The following CSMD2 variants were observed in gnomAD, a reference collection of about 807,000 sequenced individuals.
CSMD2 encodes the protein CUB and Sushi multiple domains 2, also known as CUB and sushi domain-containing protein 2.
CSMD2 carries 130 observed loss-of-function variants against 398.5 expected under a neutral mutation model. That is an observed-to-expected ratio of 0.33 (90% CI 0.28 to 0.38). CSMD2 has a LOEUF of 0.38. Ranked by LOEUF, CSMD2 falls within the 10% of genes least tolerant of loss-of-function variation. The pLI, the probability that CSMD2 is intolerant of heterozygous loss-of-function variation, is 1.00. For missense variants in CSMD2, 3,829 were observed against 4,764.9 expected (o/e 0.80, Z 5.78); for synonymous variants, 1,828 against 1,908.5 (o/e 0.96, Z 1.10).
intron 24 of CSMD2, among the ~76,000 whole-genome samples, chr1:33,696,987 A>G (rs531702866): frequency 4.6e-5 from 7 of 152,282 alleles, no homozygotes; most frequent in South Asian, 2.1e-4. Flanking sequence ...CATAATCTCA[A>G]ATACACAGCC....
At chr1:34,049,729 C>T (rs899378) in intron 2 of CSMD2, among the ~76,000 whole-genome samples, 77,269 of 152,014 alleles carry the variant, frequency 0.51, 20,713 homozygotes, top group Non-Finnish European at 0.61. Context: ...CCATTGATTG[C>T]GCCTTGTCAT....
chr1:33,773,280 T>C (rs1651528239), intron 12 of CSMD2, among the ~76,000 whole-genome samples: 3 of 152,238 alleles, frequency 2.0e-5, no homozygotes, highest in Admixed American at 6.5e-5. Flanking sequence ...CCTGTCTTTT[T>C]CCCAAACCAG....
At chr1:33,663,935 C>T (rs756590871) in intron 25 of CSMD2, among the ~76,000 whole-genome samples, 8 of 152,168 alleles carry the variant, frequency 5.3e-5, no homozygotes, top group Non-Finnish European at 8.8e-5. Flanking sequence ...TCTTACATTT[C>T]CACGGTGCAT....
intron 22 of CSMD2, among the ~76,000 whole-genome samples, chr1:33,701,457 A>G (rs1240578809): frequency 6.6e-6 from 1 of 152,216 alleles, no homozygotes; most frequent in African/African-American, 2.4e-5. Context: ...TAACAACAGA[A>G]GTTGTGATTG....
At position 33,743,501 on chromosome 1, in the gene CSMD2, C is replaced by T. The variant is rs772087798; in HGVS notation, c.1952G>A (p.Arg651Lys). ...HLHCVWLILA[R>K]PESRIHLAFN... Reference sequence around the variant, plus strand: ...GGCCAGGTGGATGCGGCTCTCAGGCCTGGCCAGGATGAGCCAGACACAGTG... The same window carrying T: ...GGCCAGGTGGATGCGGCTCTCAGGCTTGGCCAGGATGAGCCAGACACAGTG... The change falls in exon 14 of 71, where the codon AGG becomes AAG. Residue 651 changes from arginine to lysine, a missense_variant. Arg to Lys is a conservative substitution (Grantham distance 26). Transcript: ENST00000373381. The T allele has an allele frequency of 1.9e-6, 3 of 1,614,084 alleles. No homozygotes were observed. In the South Asian group the frequency reaches 3.3e-5, roughly 18 times the overall value.
chr1:33,760,931 G>A (rs1256864750), intron 13 of CSMD2, among the ~76,000 whole-genome samples: 2 of 152,048 alleles, frequency 1.3e-5, no homozygotes, highest in Admixed American at 6.5e-5. Flanking sequence ...CAGGCCAAAA[G>A]GTTTGCTCTT....
chr1:33,757,963 C>T (rs1241825474), intron 13 of CSMD2, among the ~76,000 whole-genome samples: 1 of 152,204 alleles, frequency 6.6e-6, no homozygotes, highest in Non-Finnish European at 1.5e-5. Context: ...CATATCGGCT[C>T]CAGGGTCAAT....
intron 32 of CSMD2, among the ~76,000 whole-genome samples, chr1:33,631,388 T>C (rs917889688): frequency 6.6e-6 from 1 of 151,984 alleles, no homozygotes; most frequent in African/African-American, 2.4e-5. Flanking sequence ...GAAAAGCCAC[T>C]GAAAAGGAGG....
At chr1:33,902,691 T>C (rs1217143113) in intron 5 of CSMD2, among the ~76,000 whole-genome samples, 2 of 152,154 alleles carry the variant, frequency 1.3e-5, no homozygotes, top group Admixed American at 6.5e-5. Context: ...ATATCTCCAG[T>C]GACCAGAAGA....
At chr1:33,976,101 G>A (rs1284902491) in intron 3 of CSMD2, among the ~76,000 whole-genome samples, 3 of 152,152 alleles carry the variant, frequency 2.0e-5, no homozygotes, top group Admixed American at 1.3e-4. Flanking sequence ...CAAGGGACCC[G>A]GGTTGCTGTC....
intron 1 of CSMD2, among the ~76,000 whole-genome samples, chr1:34,146,838 A>C (rs1639811901): frequency 6.6e-6 from 1 of 152,154 alleles, no homozygotes; most frequent in Non-Finnish European, 1.5e-5. Context: ...GCAGGAATGA[A>C]GACTTCAGTG....
chr1:33,795,660 G>A (rs911164150), intron 10 of CSMD2, among the ~76,000 whole-genome samples: 1 of 152,214 alleles, frequency 6.6e-6, no homozygotes, highest in Non-Finnish European at 1.5e-5. Context: ...AAGGGGAGCA[G>A]CCCCTGCTCA....
intron 13 of CSMD2, among the ~76,000 whole-genome samples, chr1:33,763,288 C>T (rs1444660009): frequency 1.3e-5 from 2 of 152,192 alleles, no homozygotes; most frequent in African/African-American, 4.8e-5. Context: ...AACTGGCATA[C>T]AGTATGTGTT....
At chr1:33,905,784 G>A (rs751128782) in intron 5 of CSMD2, among the ~76,000 whole-genome samples, 1 of 152,142 alleles carries the variant, frequency 6.6e-6, no homozygotes, top group Non-Finnish European at 1.5e-5. Flanking sequence ...TACAGGAGAG[G>A]GCTGGCCTTT....
intron 12 of CSMD2, among the ~76,000 whole-genome samples, chr1:33,777,291 T>G (rs1177224856): frequency 5.8e-4 from 88 of 152,032 alleles, no homozygotes; most frequent in Admixed American, 5.8e-3. Flanking sequence ...CAAGATTGGG[T>G]GGAAGGAAGA....
At chr1:33,741,046 G>A (rs1647048962) in intron 14 of CSMD2, among the ~76,000 whole-genome samples, 2 of 152,152 alleles carry the variant, frequency 1.3e-5, no homozygotes, top group South Asian at 4.1e-4. Context: ...TCAGCACCAG[G>A]TTCAGCCCAC....
chr1:33,707,117 C>A (rs557314932), intron 22 of CSMD2, among the ~76,000 whole-genome samples: 1 of 152,272 alleles, frequency 6.6e-6, no homozygotes, highest in East Asian at 1.9e-4. Flanking sequence ...GTCTTAGGTG[C>A]TATTCTGAAT....
In CSMD2 at chr1:34,164,850, G is replaced by A. The variant is rs1641727537; in HGVS notation, c.187+61C>T. On this transcript the variant is annotated intron_variant, in intron 1 of 70. Transcript: ENST00000373381. This position sits in a 1 kb window ranked among gnomAD's most constrained non-coding sequence, Gnocchi z 6.2. Reference sequence around the variant, plus strand: ...GACTGGGACCGGGTCGAGGATGGGTGGGCTCGGGGCTCGGGTGGGGCGCGC... The same window carrying A: ...GACTGGGACCGGGTCGAGGATGGGTAGGCTCGGGGCTCGGGTGGGGCGCGC... 14 of 1,205,818 alleles carry A rather than the reference G, an allele frequency of 1.2e-5. No individual in the cohort carries two copies. Among genetic ancestry groups the A allele is most frequent in the Non-Finnish European group, 1.3e-5 (13 of 969,384 alleles). The allele number at this position is 1,205,818 out of a possible 1,614,324, so 74.7% of individuals were successfully genotyped here.
intron 25 of CSMD2, among the ~76,000 whole-genome samples, chr1:33,686,579 G>A (rs1319983178): frequency 6.6e-6 from 1 of 152,258 alleles, no homozygotes; most frequent in Non-Finnish European, 1.5e-5. Flanking sequence ...GGGTAAGCCT[G>A]ACTGTAGATT....
Sources: gnomAD v4.1 joint callset for allele counts (sites outside exome capture counted in the v4.1 genomes callset) on GRCh38, gnomAD v4.1.1 for gene constraint, Gnocchi (gnomAD v3.1) non-coding constraint, MANE v1.5 for transcripts, NCBI Gene and HGNC (gene_info 2026-07-23, HGNC 2026-07-21) for gene names.